PTPRA: variants seen among roughly 807,000 people sequenced by gnomAD.
The protein encoded by PTPRA is protein tyrosine phosphatase receptor type A, also known as receptor-type tyrosine-protein phosphatase alpha.
Under a neutral mutation model 104.8 loss-of-function variants are expected in PTPRA, and 25 were observed. That is an observed-to-expected ratio of 0.24 (90% CI 0.17 to 0.33). PTPRA has a LOEUF of 0.33. PTPRA is among the 10% of genes least tolerant of loss of function. The probability of loss-of-function intolerance (pLI) is 1.00; values close to 1 mark genes in which losing one functional copy is unlikely to be tolerated. For missense variants in PTPRA, 765 were observed against 1,015.3 expected (o/e 0.75, Z 3.35); for synonymous variants, 323 against 368.9 (o/e 0.88, Z 1.43).
At chr20:3,024,380 T>C (rs2065032910) in intron 16 of PTPRA, 92 bp from the exon 17 acceptor site, 5 of 1,290,818 alleles carry the variant, frequency 3.9e-6, no homozygotes, top group Non-Finnish European at 5.4e-6. Flanking sequence ...AAAGGAGAAA[T>C]GGACTGGAGT....
At chr20:2,935,187 CTCTATT>C (rs1300573004) in intron 2 of PTPRA, among the ~76,000 whole-genome samples, 1 of 152,166 alleles carries the variant, frequency 6.6e-6, no homozygotes, top group African/African-American at 2.4e-5. Flanking sequence ...CCATTTTACT[CTCTATT>C]TCTATGAATT....
chr20:2,879,846 G>A (rs551097483), intron 1 of PTPRA, among the ~76,000 whole-genome samples: 7 of 152,134 alleles, frequency 4.6e-5, no homozygotes, highest in South Asian at 2.1e-4. Flanking sequence ...GCCTAGATAC[G>A]TAGCAAGCTG....
intron 2 of PTPRA, among the ~76,000 whole-genome samples, chr20:2,942,316 G>A (rs1434017065): frequency 2.0e-5 from 3 of 152,094 alleles, no homozygotes; most frequent in African/African-American, 2.4e-5. Flanking sequence ...AGGATTTTAA[G>A]ATTTTGCAGT....
intron 20 of PTPRA, among the ~76,000 whole-genome samples, chr20:3,034,353 A>C (rs1223879120): frequency 6.6e-6 from 1 of 152,206 alleles, no homozygotes; most frequent in African/African-American, 2.4e-5. Flanking sequence ...GATCATGCTC[A>C]ATTCCTCCAG....
intron 1 of PTPRA, among the ~76,000 whole-genome samples, chr20:2,909,599 A>G (rs6132988): frequency 0.015 from 2,315 of 151,464 alleles, 123 homozygotes; most frequent in Admixed American, 0.089. Context: ...CCAAAACAAA[A>G]CAAACGAAAA....
chr20:2,979,274 C>G (rs939567585), intron 6 of PTPRA, among the ~76,000 whole-genome samples: 1 of 152,174 alleles, frequency 6.6e-6, no homozygotes, highest in Non-Finnish European at 1.5e-5. Flanking sequence ...ACTCCACAAA[C>G]TAGATTATTT....
At chr20:2,943,205 A>AACCC (rs2060986593) in intron 2 of PTPRA, among the ~76,000 whole-genome samples, 1 of 83,550 alleles carries the variant, frequency 1.2e-5, no homozygotes, top group African/African-American at 6.6e-5. Flanking sequence ...CTTGGAACAT[A>AACCC]TCCCCCCACC....
At chr20:3,015,929 A>G in intron 12 of PTPRA, 44 bp downstream of exon 12, 1 of 1,521,046 alleles carries the variant, frequency 6.6e-7, no homozygotes. Context: ...AACCATGATC[A>G]CATAATGGGT....
intron 11 of PTPRA, among the ~76,000 whole-genome samples, chr20:3,008,730 AAAAAAAAAAAAAAAC>A (rs1387238724): frequency 3.9e-4 from 45 of 115,144 alleles, no homozygotes; most frequent in East Asian, 2.4e-3. Flanking sequence ...ATCTCTACTA[AAAAAAAAAAAAAAAC>A]AAAAAAAAAA....
intron 3 of PTPRA, among the ~76,000 whole-genome samples, chr20:2,957,751 T>C (rs994411669): frequency 6.6e-6 from 1 of 152,084 alleles, no homozygotes; most frequent in Non-Finnish European, 1.5e-5. Flanking sequence ...CAATGGCTTT[T>C]ATTTTCTTGG....
intron 2 of PTPRA, among the ~76,000 whole-genome samples, chr20:2,941,287 T>C (rs933722161): frequency 2.0e-5 from 3 of 152,186 alleles, no homozygotes; most frequent in Admixed American, 6.5e-5. Flanking sequence ...CTCCTTGGCC[T>C]CCCAAAGTGC....
At chr20:2,928,064 T>TA (rs1263059373) in intron 2 of PTPRA, among the ~76,000 whole-genome samples, 2 of 152,314 alleles carry the variant, frequency 1.3e-5, no homozygotes, top group East Asian at 3.9e-4. Flanking sequence ...TCAAGTCACT[T>TA]ACTGAGAGAA....
At chr20:3,029,452 T>A (rs1212616861) in intron 20 of PTPRA, among the ~76,000 whole-genome samples, 1 of 151,848 alleles carries the variant, frequency 6.6e-6, no homozygotes, top group Non-Finnish European at 1.5e-5. Flanking sequence ...TTTTTTCAAT[T>A]TTGATCAGTC....
At position 2,975,176 on chromosome 20, in the gene PTPRA, A is replaced by C; in HGVS notation, c.416-39A>C. On this transcript the variant is annotated intron_variant, in intron 5 of 23. Transcript: ENST00000399903. Reference sequence around the variant, plus strand: ...TAATTGAATTGTAATGTGTTTCTTTAACCTGAATGAATGTTTCTATTTTTT... The same window carrying C: ...TAATTGAATTGTAATGTGTTTCTTTCACCTGAATGAATGTTTCTATTTTTT... The C allele has an allele frequency of 2.0e-6, 3 of 1,523,990 alleles. No homozygotes were observed. The South Asian group carries it at 3.5e-5, about 18-fold the overall frequency. 94.4% of individuals were successfully genotyped at this position (1,523,990 alleles called of 1,614,324 possible).
chr20:2,971,855 A>G (rs757163971), intron 5 of PTPRA, among the ~76,000 whole-genome samples: 9 of 151,550 alleles, frequency 5.9e-5, no homozygotes, highest in East Asian at 1.9e-4. Context: ...TTGTTTGTTT[A>G]TTTTGAGATG....
At chr20:2,881,271 A>G (rs1600048666) in intron 1 of PTPRA, among the ~76,000 whole-genome samples, 2 of 151,806 alleles carry the variant, frequency 1.3e-5, no homozygotes, top group Non-Finnish European at 2.9e-5. Flanking sequence ...AGATCTCGCC[A>G]CTGCACTCAA....
Position 2,953,977 on chromosome 20 carries a change from G to A in PTPRA, c.-7+5953G>A, listed in dbSNP as rs114419150. Among the ~76,000 whole-genome samples, 720 of 147,206 alleles carry A rather than the reference G, an allele frequency of 4.9e-3. 5 individuals are homozygous for A. Among genetic ancestry groups the A allele is most frequent in the African/African-American group, 0.017 (664 of 39,656 alleles). On this transcript the variant is annotated intron_variant, in intron 3 of 23. Coordinates refer to ENST00000399903, the MANE Select transcript of PTPRA (RefSeq NM_001385305.1). Reference sequence around the variant, plus strand: ...AAGCTGTAGTGCAGTGGCACCATTCGTATCTCACTGTAACCTCAAACTCCT... The same window carrying A: ...AAGCTGTAGTGCAGTGGCACCATTCATATCTCACTGTAACCTCAAACTCCT...
rs2148462911 is a variant in PTPRA, at chr20:3,026,568, T to C, written c.1615-119T>C. 8 of 719,628 alleles carry C rather than the reference T, an allele frequency of 1.1e-5. No homozygotes were observed. In the South Asian group the frequency reaches 1.4e-4, roughly 12 times the overall value. The allele number at this position is 719,628 out of a possible 1,614,324, so 44.6% of individuals were successfully genotyped here. Reference sequence around the variant, plus strand: ...CATATGGGAACAGAGGTCAGGGCCCTGGTGAGAAGAGCAGTATGGAGCCAG... The same window carrying C: ...CATATGGGAACAGAGGTCAGGGCCCCGGTGAGAAGAGCAGTATGGAGCCAG... On this transcript the variant is annotated intron_variant, in intron 17 of 23. Coordinates refer to ENST00000399903, the MANE Select transcript of PTPRA (RefSeq NM_001385305.1).
chr20:2,894,015 G>GT (rs1004292199), intron 1 of PTPRA, among the ~76,000 whole-genome samples: 1 of 151,982 alleles, frequency 6.6e-6, no homozygotes, highest in Non-Finnish European at 1.5e-5. Context: ...TTTCAAGAAA[G>GT]TTTTTTTTAA....
Sources: gnomAD v4.1 joint callset for allele counts (sites outside exome capture counted in the v4.1 genomes callset) on GRCh38, gnomAD v4.1.1 for gene constraint, MANE v1.5 for transcripts, NCBI Gene and HGNC (gene_info 2026-07-23, HGNC 2026-07-21) for gene names.